The following KCMF1 variants were observed in gnomAD, a reference collection of about 807,000 sequenced individuals.
KCMF1 encodes the protein E3 ubiquitin-protein ligase KCMF1.
In KCMF1, 3 loss-of-function variants were observed where a neutral mutation model predicts 41.1. The observed-to-expected ratio is 0.07, with a 90% CI of 0.03 to 0.19. KCMF1 has a LOEUF of 0.19. Among genes scored for constraint, KCMF1 ranks in the 10% least tolerant of loss-of-function variants. The pLI is 1.00. For synonymous variants in KCMF1, 142 were observed against 164.5 expected (o/e 0.86, Z 1.04); for missense variants, 286 against 488.9 (o/e 0.58, Z 3.91).
intron 1 of KCMF1, among the ~76,000 whole-genome samples, chr2:84,999,716 G>A (rs1384868573): frequency 2.0e-5 from 3 of 152,112 alleles, no homozygotes; most frequent in Non-Finnish European, 4.4e-5. Context: ...AAGAGAAAGG[G>A]GGAAATAATT....
At chr2:85,016,910 G>A (rs1378172712) in intron 1 of KCMF1, among the ~76,000 whole-genome samples, 3 of 151,584 alleles carry the variant, frequency 2.0e-5, no homozygotes, top group South Asian at 4.2e-4. Flanking sequence ...GGCTGGTCTC[G>A]AACCCCTGAC....
chr2:85,053,029 T>C, intron 6 of KCMF1, 119 bp from the exon 7 acceptor site: 2 of 770,210 alleles, frequency 2.6e-6, no homozygotes, highest in Non-Finnish European at 4.1e-6. Flanking sequence ...ATTCCAGCAA[T>C]GTCTCATTCT....
rs990582176 is a variant in KCMF1 at position 85,059,031 on chromosome 2, T to C, written c.*5622T>C. 6.6e-6 allele frequency: 1 copy of C among 152,230 alleles called. No individual in the cohort carries two copies. Among genetic ancestry groups the C allele is most frequent in the Admixed American group, 6.5e-5 (1 of 15,304 alleles). 9.4% of individuals were successfully genotyped at this position (152,230 alleles called of 1,614,324 possible). A position where few individuals can be genotyped will look rare whatever the true frequency, so the allele number is the denominator to read the frequency against. On this transcript the variant is annotated 3_prime_UTR_variant, in exon 7 of 7. Transcript: ENST00000409785. ...TCTATAATACTCCTGTATTGGCAAG[T>C]GGACTGGACCAACAGACACAGGCCT...
rs549280547 is a variant in KCMF1 at position 84,974,507 on chromosome 2, A to T, written c.16+3040A>T. The stretch of plus-strand genomic sequence containing the variant: ...AGAGAGATGCTCTAGTCCCGGGTTC[A>T]GCATGCTTCTTCTGTAAAGGGCTAG... On this transcript the variant is annotated intron_variant, in intron 1 of 6. Coordinates refer to ENST00000409785, the MANE Select transcript of KCMF1 (RefSeq NM_020122.5). 5.9e-5 allele frequency among the ~76,000 whole-genome samples: 9 copies of T among 151,674 alleles called. 1 individual carries two copies. The highest frequency in any genetic ancestry group is 1.9e-4 in the African/African-American group (8 of 41,370).
At chr2:85,002,300 C>G (rs945537551) in intron 1 of KCMF1, among the ~76,000 whole-genome samples, 4 of 152,164 alleles carry the variant, frequency 2.6e-5, no homozygotes, top group African/African-American at 9.7e-5. Flanking sequence ...CTTTCAAAAG[C>G]ATTTCAGTTT....
intron 1 of KCMF1, among the ~76,000 whole-genome samples, chr2:85,020,589 C>T (rs1290459581): frequency 6.6e-6 from 1 of 152,030 alleles, no homozygotes; most frequent in South Asian, 2.1e-4. Flanking sequence ...CTACACCTGG[C>T]TAATTTTTGT....
At position 85,050,381 on chromosome 2, in the gene KCMF1, T is replaced by TA. The variant is rs560240175; in HGVS notation, c.884+739dup. On this transcript the variant is annotated intron_variant, in intron 6 of 6. Coordinates refer to ENST00000409785, the MANE Select transcript of KCMF1 (RefSeq NM_020122.5). Reference sequence around the variant, plus strand: ...GTGGCAGTTTTCTCCTGTGAATTTCTAAAAAAGCTAGATTTAAATTTTTAT... The same window carrying TA: ...GTGGCAGTTTTCTCCTGTGAATTTCTAAAAAAAGCTAGATTTAAATTTTTAT... Among the ~76,000 whole-genome samples, 23 of 152,290 alleles carry TA rather than the reference T, an allele frequency of 1.5e-4. 2 individuals are homozygous for TA. In the South Asian group the frequency reaches 4.8e-3, roughly 32 times the overall value.
At chr2:85,009,518 A>G (rs1330811640) in intron 1 of KCMF1, among the ~76,000 whole-genome samples, 2 of 152,048 alleles carry the variant, frequency 1.3e-5, no homozygotes, top group Non-Finnish European at 2.9e-5. Context: ...GGCAATTCCT[A>G]TTCTCTGTTC....
At chr2:85,008,356 T>TATATCATATGATATATAATATATATC (rs1674555144) in intron 1 of KCMF1, among the ~76,000 whole-genome samples, 10 of 60,974 alleles carry the variant, frequency 1.6e-4, no homozygotes, top group South Asian at 5.2e-4. Flanking sequence ...TAATATATAA[T>TATATCATATGATATATAATATATATC]ATATATTATA....
chr2:85,007,054 T>A (rs1046851369), intron 1 of KCMF1, among the ~76,000 whole-genome samples: 2 of 137,160 alleles, frequency 1.5e-5, no homozygotes, highest in Middle Eastern at 4.2e-3. Context: ...TGAGTCGAGA[T>A]CGCACCACTG....
chr2:84,995,117 G>T (rs1041604846), intron 1 of KCMF1, among the ~76,000 whole-genome samples: 2 of 151,888 alleles, frequency 1.3e-5, no homozygotes, highest in African/African-American at 4.8e-5. Context: ...CGCCTCCTGG[G>T]TTCAAGCAAT....
At chr2:85,012,750 T>C (rs1404669420) in intron 1 of KCMF1, among the ~76,000 whole-genome samples, 1 of 152,226 alleles carries the variant, frequency 6.6e-6, no homozygotes. Context: ...CCTACTCCTA[T>C]ACAGAGCTTT....
intron 1 of KCMF1, 129 bp downstream of exon 1, chr2:84,971,596 G>C (rs1296414792): frequency 2.9e-6 from 1 of 347,204 alleles, no homozygotes; most frequent in Non-Finnish European, 4.4e-6. Flanking sequence ...CCGAGGCGCT[G>C]GACCCGGGAG....
intron 1 of KCMF1, among the ~76,000 whole-genome samples, chr2:85,018,917 A>G (rs1268514492): frequency 7.4e-6 from 1 of 135,312 alleles, no homozygotes; most frequent in Non-Finnish European, 1.5e-5. Context: ...TTGTATTTTT[A>G]GTAGAGATGG....
intron 3 of KCMF1, among the ~76,000 whole-genome samples, chr2:85,036,467 A>G (rs546734334): frequency 5.3e-5 from 8 of 152,298 alleles, no homozygotes; most frequent in Non-Finnish European, 8.8e-5. Flanking sequence ...CCATAACACA[A>G]ACATGGAGTT....
At position 85,056,268 on chromosome 2, in the gene KCMF1, T is replaced by C. The variant is rs1214245871; in HGVS notation, c.*2859T>C. The C allele has an allele frequency of 6.6e-6, 1 of 152,040 alleles. No homozygotes were observed. The highest frequency in any genetic ancestry group is 1.5e-5 in the Non-Finnish European group (1 of 67,984). The allele number at this position is 152,040 out of a possible 1,614,324, so 9.4% of individuals were successfully genotyped here. On this transcript the variant is annotated 3_prime_UTR_variant, in exon 7 of 7. Coordinates refer to ENST00000409785, the MANE Select transcript of KCMF1 (RefSeq NM_020122.5). ...TAGCAGATTACACTATTAGAAATAA[T>C]AGACGTAACAAAAAAAATCCAGCCC...
At chr2:84,976,632 A>G (rs1313996471) in intron 1 of KCMF1, among the ~76,000 whole-genome samples, 1 of 151,802 alleles carries the variant, frequency 6.6e-6, no homozygotes, top group African/African-American at 2.4e-5. Flanking sequence ...TTTCTTTAAA[A>G]AAAAAAAAAC....
At chr2:85,009,707 A>T (rs1674607986) in intron 1 of KCMF1, among the ~76,000 whole-genome samples, 1 of 151,922 alleles carries the variant, frequency 6.6e-6, no homozygotes, top group Non-Finnish European at 1.5e-5. Context: ...ATACTTACTT[A>T]ATCCCTCTGT....
At chr2:84,999,822 T>C (rs911245677) in intron 1 of KCMF1, among the ~76,000 whole-genome samples, 8 of 152,132 alleles carry the variant, frequency 5.3e-5, no homozygotes, top group Admixed American at 5.2e-4. Flanking sequence ...TTGACCTAAT[T>C]ATAGTGTCAA....
Sources: allele counts gnomAD v4.1 joint callset (sites outside exome capture counted in the v4.1 genomes callset), GRCh38; gene constraint gnomAD v4.1.1; transcripts MANE v1.5; gene names NCBI Gene and HGNC (gene_info 2026-07-23, HGNC 2026-07-21).